CDH18: variants seen among roughly 807,000 people sequenced by gnomAD.
CDH18 encodes the protein cadherin 18.
CDH18 carries 31 observed loss-of-function variants against 67.9 expected under a neutral mutation model. The observed-to-expected ratio is 0.46, with a 90% CI of 0.34 to 0.62. The LOEUF (loss-of-function observed/expected upper bound fraction) is 0.62. CDH18 is among the 20% of genes least tolerant of loss of function. The pLI, the probability that CDH18 is intolerant of heterozygous loss-of-function variation, is 0.01. For synonymous variants in CDH18, 362 were observed against 347.2 expected, an observed-to-expected ratio of 1.04 and a Z score of -0.48; for missense variants, 890 against 975.5, an observed-to-expected ratio of 0.91 and a Z score of 1.17.
intron 8 of CDH18, among the ~76,000 whole-genome samples, chr5:19,552,262 T>C (rs904598381): frequency 4.6e-5 from 7 of 152,264 alleles, no homozygotes; most frequent in East Asian, 3.9e-4. Context: ...CCCTCTTTCA[T>C]TGAGTAATAT....
intron 4 of CDH18, among the ~76,000 whole-genome samples, chr5:19,736,037 A>T (rs534744412): frequency 2.6e-5 from 4 of 152,356 alleles, no homozygotes; most frequent in African/African-American, 9.6e-5. Flanking sequence ...TGATTTGAGT[A>T]TTTATGACAA....
At chr5:19,748,038 G>A (rs1444470396) in intron 3 of CDH18, among the ~76,000 whole-genome samples, 2 of 144,984 alleles carry the variant, frequency 1.4e-5, no homozygotes, top group Non-Finnish European at 3.0e-5. Context: ...GCGTGAACCT[G>A]GGAGGCGGAG....
intron 6 of CDH18, among the ~76,000 whole-genome samples, chr5:19,604,245 AT>A (rs1224594264): frequency 6.6e-6 from 1 of 152,084 alleles, no homozygotes; most frequent in Non-Finnish European, 1.5e-5. Context: ...ATTTACTTGA[AT>A]AAGTCATTCC....
chr5:20,006,860 T>C (rs1023445107), intron 2 of CDH18, among the ~76,000 whole-genome samples: 29 of 151,994 alleles, frequency 1.9e-4, no homozygotes, highest in African/African-American at 7.0e-4. Flanking sequence ...CAAAAATTTC[T>C]TATAACATTA....
intron 3 of CDH18, among the ~76,000 whole-genome samples, chr5:19,767,612 CAGAA>C (rs1366074372): frequency 5.3e-5 from 8 of 151,580 alleles, no homozygotes; most frequent in African/African-American, 1.9e-4. Flanking sequence ...CAAGATAAAG[CAGAA>C]AGAAACATTA....
intron 2 of CDH18, among the ~76,000 whole-genome samples, chr5:20,115,660 C>T (rs967918988): frequency 1.3e-5 from 2 of 151,950 alleles, no homozygotes; most frequent in East Asian, 1.9e-4. Flanking sequence ...CACAAATATT[C>T]GGTCTACAAT....
chr5:19,505,275 T>C (rs567827759), intron 10 of CDH18, among the ~76,000 whole-genome samples: 3 of 152,252 alleles, frequency 2.0e-5, no homozygotes, highest in Non-Finnish European at 4.4e-5. Context: ...AGGGACAATT[T>C]GACTTCCTCT....
intron 3 of CDH18, among the ~76,000 whole-genome samples, chr5:19,795,912 T>C (rs115934503): frequency 2.9e-4 from 44 of 152,186 alleles, no homozygotes; most frequent in African/African-American, 1.1e-3. Flanking sequence ...AATAACTAAG[T>C]AGAATTATAG....
intron 1 of CDH18, among the ~76,000 whole-genome samples, chr5:20,496,579 T>C (rs990444293): frequency 2.0e-5 from 3 of 152,174 alleles, no homozygotes; most frequent in Non-Finnish European, 4.4e-5. Context: ...TCTCGCTCTG[T>C]CGCCAATATA....
chr5:20,495,096 T>C (rs1444299915), intron 1 of CDH18, among the ~76,000 whole-genome samples: 5 of 152,126 alleles, frequency 3.3e-5, no homozygotes, highest in Non-Finnish European at 7.4e-5. Context: ...ACCTTTCTCA[T>C]TTCTCTATAA....
intron 2 of CDH18, among the ~76,000 whole-genome samples, chr5:20,206,529 A>C (rs1431760415): frequency 6.6e-6 from 1 of 152,008 alleles, no homozygotes; most frequent in Non-Finnish European, 1.5e-5. Context: ...GATACAAGAA[A>C]AAAGAAAAGT....
chr5:19,554,560 AACAAT>A (rs764084682), intron 8 of CDH18, among the ~76,000 whole-genome samples: 1 of 149,478 alleles, frequency 6.7e-6, no homozygotes, highest in East Asian at 2.0e-4. Flanking sequence ...CAAAAAAAAA[AACAAT>A]TTTTTTTTTT....
At chr5:20,399,540 T>C (rs1745581348) in intron 1 of CDH18, among the ~76,000 whole-genome samples, 1 of 152,196 alleles carries the variant, frequency 6.6e-6, no homozygotes, top group African/African-American at 2.4e-5. Flanking sequence ...GAATTCGATA[T>C]TACTTAACAC....
At chr5:20,351,179 TGTGTGTGTGTGTGC>T (rs1375921736) in intron 1 of CDH18, among the ~76,000 whole-genome samples, 3 of 143,118 alleles carry the variant, frequency 2.1e-5, no homozygotes, top group Non-Finnish European at 3.1e-5. Flanking sequence ...TGTGTGTGTG[TGTGTGTGTGTGTGC>T]GTGTGTGTTA....
intron 2 of CDH18, among the ~76,000 whole-genome samples, chr5:20,041,307 T>C (rs1740404002): frequency 6.6e-6 from 1 of 152,216 alleles, no homozygotes; most frequent in South Asian, 2.1e-4. Flanking sequence ...GCTTAGTTCT[T>C]ACTATTATAT....
chr5:19,918,693 TGAAAAAA>T (rs1792097050), intron 2 of CDH18, among the ~76,000 whole-genome samples: 2 of 152,166 alleles, frequency 1.3e-5, no homozygotes, highest in South Asian at 4.2e-4. Context: ...AATTCCATTT[TGAAAAAA>T]TGGAAAGAGA....
chr5:20,485,150 C>G (rs1414141371), intron 1 of CDH18, among the ~76,000 whole-genome samples: 4 of 152,136 alleles, frequency 2.6e-5, no homozygotes, highest in Admixed American at 6.5e-5. Flanking sequence ...TTAGCAGTAT[C>G]TGGCTTGTCT....
chr5:20,172,211 T>C lies in CDH18; in HGVS notation c.-518+83233A>G, dbSNP rs1262189721. ...GTGTGTATATATATATATATATATA[T>C]ATATATATATATGTATATATATATA... On this transcript the variant is annotated intron_variant, in intron 2 of 14. Coordinates refer to the CDH18 transcript ENST00000507958. 3.7e-4 allele frequency among the ~76,000 whole-genome samples: 20 copies of C among 53,698 alleles called. 3 individuals are homozygous for C. Among genetic ancestry groups the C allele is most frequent in the African/African-American group, 1.4e-3 (17 of 12,318 alleles). The allele number at this position is 53,698 out of a possible 152,430, so 35.2% of individuals were successfully genotyped here.
intron 2 of CDH18, among the ~76,000 whole-genome samples, chr5:19,958,161 G>T (rs1193716880): frequency 6.6e-6 from 1 of 151,654 alleles, no homozygotes; most frequent in African/African-American, 2.4e-5. Context: ...TATCCAGTGT[G>T]AACGAAGCCT....
Sources: allele counts gnomAD v4.1 joint callset (sites outside exome capture counted in the v4.1 genomes callset), GRCh38; gene constraint gnomAD v4.1.1; transcripts MANE v1.5; gene names NCBI Gene and HGNC (gene_info 2026-07-23, HGNC 2026-07-21).